The following FSD1L variants were observed in gnomAD, a reference collection of about 807,000 sequenced individuals.
FSD1L encodes the protein FSD1-like protein.
Under a neutral mutation model 71.6 loss-of-function variants are expected in FSD1L, and 45 were observed. That is an observed-to-expected ratio of 0.63 (90% confidence interval 0.49 to 0.81). The LOEUF is 0.81. FSD1L is among the 30% of genes least tolerant of loss of function. FSD1L has a pLI of 0.00. For synonymous variants in FSD1L, 197 were observed against 207.2 expected (o/e 0.95, Z 0.42); for missense variants, 561 against 618.1 (o/e 0.91, Z 0.98).
At chr9:105,469,744 C>G (rs1831325066) in intron 4 of FSD1L, among the ~76,000 whole-genome samples, 1 of 145,260 alleles carries the variant, frequency 6.9e-6, no homozygotes, top group South Asian at 2.2e-4. Context: ...CTTTTTTACT[C>G]TGTTGGTTGT....
chr9:105,464,479 T>C (rs949016828), intron 3 of FSD1L, 148 bp downstream of exon 3: 9 of 476,030 alleles, frequency 1.9e-5, no homozygotes, highest in Non-Finnish European at 3.4e-5. Context: ...ATGTTTTCAT[T>C]GCAATTCCTG....
chr9:105,539,198 TTA>T, intron 12 of FSD1L, 63 bp from the exon 13 acceptor site: 1 of 749,272 alleles, frequency 1.3e-6, no homozygotes, highest in Non-Finnish European at 2.1e-6. Context: ...TGATTATGCG[TTA>T]GAATTAATTA....
chr9:105,446,810 C>T (rs1588890895), upstream of FSD1L, among the ~76,000 whole-genome samples: 2 of 150,220 alleles, frequency 1.3e-5, no homozygotes, highest in East Asian at 3.9e-4. Context: ...AGAACTGGTA[C>T]AGAATAGGTA....
intron 13 of FSD1L, among the ~76,000 whole-genome samples, chr9:105,541,865 C>T (rs1449652095): frequency 2.6e-5 from 4 of 152,162 alleles, no homozygotes; most frequent in Admixed American, 1.3e-4. Context: ...TCCAGAACAT[C>T]GTATAAATAG....
chr9:105,543,129 T>G (rs1264692146), intron 13 of FSD1L, among the ~76,000 whole-genome samples: 1 of 152,152 alleles, frequency 6.6e-6, no homozygotes, highest in Non-Finnish European at 1.5e-5. Context: ...TTTTGAAAAT[T>G]TATAATGTTA....
chr9:105,512,931 G>C lies in FSD1L; in HGVS notation c.1020G>C (p.Lys340Asn). Residue 340 changes from lysine (K) to asparagine (N), a missense_variant, in exon 10 of 14, where the codon AAG becomes AAC. Transcript: ENST00000481272. Reference sequence around the variant, plus strand: ...GTAAAATTAAAGGAAAAGAGAACAAGGGCAGGTAAGCTAGACCATTAAATC... The same window carrying C: ...GTAAAATTAAAGGAAAAGAGAACAACGGCAGGTAAGCTAGACCATTAAATC... The part of the protein sequence containing the change: ...QESKIKGKEN[K>N]GRSGTPSPKR... The C allele has an allele frequency of 6.5e-7, 1 of 1,532,796 alleles. No individual in the cohort carries two copies. Among genetic ancestry groups the C allele is most frequent in the South Asian group, 1.3e-5 (1 of 79,898 alleles). 94.9% of individuals were successfully genotyped at this position (1,532,796 alleles called of 1,614,324 possible).
intron 7 of FSD1L, among the ~76,000 whole-genome samples, chr9:105,486,667 T>G (rs1010259954): frequency 4.6e-5 from 7 of 152,188 alleles, no homozygotes; most frequent in African/African-American, 7.2e-5. Flanking sequence ...AGAACATTCC[T>G]AATATAATTT....
intron 3 of FSD1L, among the ~76,000 whole-genome samples, chr9:105,466,172 A>G (rs1007105007): frequency 3.3e-5 from 5 of 152,320 alleles, no homozygotes; most frequent in Non-Finnish European, 7.3e-5. Flanking sequence ...ATAGGAATAA[A>G]TTTACCTAAG....
chr9:105,508,722 T>A lies in FSD1L; in HGVS notation c.895+7T>A. 1.3e-6 allele frequency: 2 copies of A among 1,488,004 alleles called. No individual in the cohort carries two copies. Among genetic ancestry groups the A allele is most frequent in the South Asian group, 1.2e-5 (1 of 82,352 alleles). The allele number at this position is 1,488,004 out of a possible 1,614,324, so 92.2% of individuals were successfully genotyped here. A position where few individuals can be genotyped will look rare whatever the true frequency, so the allele number is the denominator to read the frequency against. Reference sequence around the variant, plus strand: ...GTGACTCTAGAGACCAAAGGTGAGATCAGTAGCTCTTTATACAGCATAAAA... The same window carrying A: ...GTGACTCTAGAGACCAAAGGTGAGAACAGTAGCTCTTTATACAGCATAAAA... On this transcript the variant is annotated splice_region_variant and intron_variant, in intron 9 of 13. Transcript: ENST00000481272.
At chr9:105,447,725 T>G, upstream of FSD1L, 2 of 181,650 alleles carry the variant, frequency 1.1e-5, no homozygotes, top group African/African-American at 2.4e-5. Flanking sequence ...CCTCGAAGGA[T>G]AGTGTGGGGA....
chr9:105,523,562 T>C (rs1437653778), intron 10 of FSD1L: 5 of 1,612,190 alleles, frequency 3.1e-6, no homozygotes, highest in Non-Finnish European at 4.2e-6. Flanking sequence ...AGATTAGAGA[T>C]AACCTCGGCA....
chr9:105,535,381 G>A, intron 12 of FSD1L, 63 bp downstream of exon 12: 1 of 1,486,992 alleles, frequency 6.7e-7, no homozygotes, highest in Non-Finnish European at 9.1e-7. Context: ...CCTTTCACTG[G>A]TAATCATCTA....
At chr9:105,468,557 T>C (rs925860393) in intron 4 of FSD1L, among the ~76,000 whole-genome samples, 5 of 150,928 alleles carry the variant, frequency 3.3e-5, no homozygotes, top group Non-Finnish European at 7.4e-5. Flanking sequence ...CAGGCTGGAG[T>C]GATCTTGGTT....
chr9:105,522,592 A>G, intron 10 of FSD1L: 1 of 1,613,430 alleles, frequency 6.2e-7, no homozygotes, highest in Non-Finnish European at 8.5e-7. Context: ...GAAACTGGAA[A>G]TGAAGTTTTT....
At chr9:105,469,835 C>A (rs1831335256) in intron 4 of FSD1L, among the ~76,000 whole-genome samples, 2 of 151,876 alleles carry the variant, frequency 1.3e-5, no homozygotes, top group Non-Finnish European at 2.9e-5. Flanking sequence ...TCCAGGAAAT[C>A]ATTGACAAAT....
intron 7 of FSD1L, among the ~76,000 whole-genome samples, chr9:105,504,814 C>T (rs886330489): frequency 9.9e-5 from 15 of 151,808 alleles, no homozygotes; most frequent in Non-Finnish European, 2.1e-4. Context: ...TTATTTTTTC[C>T]GAATATTTTT....
At chr9:105,466,875 T>C (rs754974009) in intron 3 of FSD1L, among the ~76,000 whole-genome samples, 8 of 152,108 alleles carry the variant, frequency 5.3e-5, no homozygotes, top group Non-Finnish European at 1.2e-4. Flanking sequence ...CAAACCATTC[T>C]TCTGATTGAT....
At chr9:105,479,559 G>A (rs1832033846) in intron 6 of FSD1L, among the ~76,000 whole-genome samples, 183 bp downstream of exon 6, 1 of 152,130 alleles carries the variant, frequency 6.6e-6, no homozygotes. Flanking sequence ...TTTTTTAAAA[G>A]CATAGTTGTG....
At chr9:105,504,886 A>G (rs1833960602) in intron 7 of FSD1L, among the ~76,000 whole-genome samples, 1 of 152,224 alleles carries the variant, frequency 6.6e-6, no homozygotes, top group Admixed American at 6.5e-5. Context: ...TTTTTAGAAC[A>G]GGGTTATATT....
Sources: gnomAD v4.1 joint callset for allele counts (sites outside exome capture counted in the v4.1 genomes callset) on GRCh38, gnomAD v4.1.1 for gene constraint, MANE v1.5 for transcripts, NCBI Gene and HGNC (gene_info 2026-07-23, HGNC 2026-07-21) for gene names.